MYO9B: variants seen among roughly 807,000 people sequenced by gnomAD.
MYO9B encodes myosin IXB.
MYO9B carries 71 observed loss-of-function variants against 229.5 expected under a neutral mutation model. That is an observed-to-expected ratio of 0.31 (90% confidence interval 0.26 to 0.38). The LOEUF is 0.38. Ranked by LOEUF, MYO9B falls within the 10% of genes least tolerant of loss-of-function variation. MYO9B has a pLI of 1.00. For missense variants in MYO9B, 2,255 were observed against 2,920.5 expected (o/e 0.77, Z 5.25); for synonymous variants, 1,185 against 1,235.8 (o/e 0.96, Z 0.86).
At chr19:17,159,545 T>C (rs2072575435) in intron 8 of MYO9B, 61 bp downstream of exon 8, 1 of 1,438,596 alleles carries the variant, frequency 7.0e-7, no homozygotes, top group African/African-American at 1.4e-5. Context: ...GGAATGGTCT[T>C]TGGAAAGAGC....
intron 10 of MYO9B, among the ~76,000 whole-genome samples, chr19:17,163,765 A>G (rs1411008817): frequency 6.6e-6 from 1 of 152,214 alleles, no homozygotes; most frequent in Non-Finnish European, 1.5e-5. Context: ...TTCGCATAGT[A>G]TAAAGTCCTC....
At chr19:17,200,600 T>C in intron 25 of MYO9B, 39 bp from the exon 26 acceptor site, 1 of 1,575,278 alleles carries the variant, frequency 6.3e-7, no homozygotes, top group East Asian at 2.3e-5. Flanking sequence ...ATCCTCCCCC[T>C]GAACCCACCC....
Position 17,198,278 on chromosome 19 carries a change from G to A in MYO9B, c.4208G>A (p.Gly1403Glu), listed in dbSNP as rs755584518. ...PGDASSLPDA[G>E]LSPGSQVDSK... The stretch of plus-strand genomic sequence containing the variant: ...GACGCATCCTCCCTCCCAGACGCAG[G>A]GCTGTCCCCGGGCTCTCAGGTCGAC... Residue 1403 changes from glycine (G) to glutamate (E), a missense_variant, in exon 24 of 40, where the codon GGG becomes GAG. Coordinates refer to ENST00000682292, the MANE Select transcript of MYO9B (RefSeq NM_004145.4). 1.2e-6 allele frequency: 2 copies of A among 1,613,888 alleles called. No homozygotes were observed. Among genetic ancestry groups the A allele is most frequent in the South Asian group, 2.2e-5 (2 of 91,082 alleles).
chr19:17,200,560 G>A, intron 25 of MYO9B, 79 bp from the exon 26 acceptor site: 1 of 1,518,894 alleles, frequency 6.6e-7, no homozygotes, highest in South Asian at 1.3e-5. Flanking sequence ...TCTGGCCCTG[G>A]ATAAAGGCGT....
chr19:17,102,101 G>A lies in MYO9B; in HGVS notation c.384G>A (p.Gln128=), dbSNP rs773096301. Residue 128 remains glutamine, a synonymous_variant, in exon 2 of 40, where the codon CAG becomes CAA. Transcript: ENST00000682292. ...ACGTGCATATGCAGCTGGTGGCGCA[G>A]GCCACAGCCACCCGGCGCCTAGTGG... ...IKYVHMQLVA[Q]ATATRRLVER... The A allele has an allele frequency of 1.9e-6, 3 of 1,613,088 alleles. No homozygotes were observed. In the African/African-American group the frequency reaches 4.0e-5, roughly 22 times the overall value.
Position 17,200,673 on chromosome 19 carries a change from T to C in MYO9B, c.4407T>C (p.Gly1469=), listed in dbSNP as rs994158585. 9.3e-6 allele frequency: 15 copies of C among 1,613,602 alleles called. No homozygotes were observed. Among genetic ancestry groups the C allele is most frequent in the Admixed American group, 1.7e-5 (1 of 59,982 alleles). The part of the protein sequence containing the change: ...PSGQQHRHAA[G]EKRTKEPGGK... ...GACAGCAGCATCGCCACGCTGCAGG[T>C]GAGAAGCGCACCAAGGAACCAGGAG... Residue 1469 remains glycine, a synonymous_variant, in exon 26 of 40, where the codon GGT becomes GGC. Coordinates refer to ENST00000682292, the MANE Select transcript of MYO9B (RefSeq NM_004145.4).
At chr19:17,136,032 C>T (rs2072265928) in intron 2 of MYO9B, among the ~76,000 whole-genome samples, 1 of 151,364 alleles carries the variant, frequency 6.6e-6, no homozygotes, top group East Asian at 2.0e-4. Flanking sequence ...CACCCCACCC[C>T]TGAGGACAGG....
intron 14 of MYO9B, chr19:17,180,661 A>G (rs1489191972): frequency 2.9e-5 from 10 of 340,740 alleles, no homozygotes; most frequent in Non-Finnish European, 5.3e-5. Flanking sequence ...GAAATGATGT[A>G]TTGAAAAGGA....
chr19:17,196,169 G>T (rs55744529), intron 22 of MYO9B, among the ~76,000 whole-genome samples: 56,050 of 133,600 alleles, frequency 0.42, 13,191 homozygotes, highest in East Asian at 0.75. Flanking sequence ...TGGGTGGATG[G>T]ATGGAAGATA....
chr19:17,158,831 G>A (rs892435973), intron 7 of MYO9B, among the ~76,000 whole-genome samples: 7 of 152,174 alleles, frequency 4.6e-5, no homozygotes, highest in Non-Finnish European at 8.8e-5. Flanking sequence ...ACACATACCC[G>A]GGCCACGGAG....
intron 2 of MYO9B, among the ~76,000 whole-genome samples, chr19:17,121,095 A>G (rs1168047728): frequency 6.6e-6 from 1 of 151,990 alleles, no homozygotes; most frequent in Non-Finnish European, 1.5e-5. Context: ...GGCGTGCACC[A>G]CCACACCCAG....
chr19:17,185,892 A>G, intron 17 of MYO9B, 29 bp from the exon 18 acceptor site: 1 of 1,598,412 alleles, frequency 6.3e-7, no homozygotes, highest in South Asian at 1.1e-5. Context: ...CCCTGATTCA[A>G]CCCAAATGCT....
chr19:17,175,824 CTT>C (rs534528766), intron 14 of MYO9B, 83 bp downstream of exon 14: 61,824 of 490,632 alleles, frequency 0.13, 1,293 homozygotes, highest in African/African-American at 0.23. Context: ...ATGCTACATT[CTT>C]TTTTTTTTTT....
At chr19:17,142,122 T>C (rs1451307810) in intron 2 of MYO9B, among the ~76,000 whole-genome samples, 8 of 148,784 alleles carry the variant, frequency 5.4e-5, no homozygotes, top group East Asian at 3.9e-4. Flanking sequence ...AGGCTTGCAG[T>C]GAGCTATGAT....
intron 29 of MYO9B, 119 bp downstream of exon 29, chr19:17,203,002 C>A: frequency 1.4e-6 from 2 of 1,397,998 alleles, no homozygotes; most frequent in African/African-American, 1.4e-5. Flanking sequence ...TGCGTGGACA[C>A]GTGTGAGTGT....
intron 2 of MYO9B, among the ~76,000 whole-genome samples, chr19:17,121,745 G>A (rs2145128962): frequency 6.6e-6 from 1 of 152,342 alleles, no homozygotes; most frequent in East Asian, 1.9e-4. Flanking sequence ...CAGCACTATG[G>A]GAGGCTGAGG....
At chr19:17,154,547 T>C (rs1480288827) in intron 6 of MYO9B, 132 bp downstream of exon 6, 4 of 606,502 alleles carry the variant, frequency 6.6e-6, no homozygotes, top group Admixed American at 3.2e-5. Context: ...AGTGCCGCCA[T>C]AGGGAGTGTG....
intron 1 of MYO9B, among the ~76,000 whole-genome samples, chr19:17,079,950 C>T (rs144312143): frequency 1.2e-4 from 18 of 152,294 alleles, no homozygotes; most frequent in African/African-American, 4.1e-4. Flanking sequence ...CCCAGAGCCC[C>T]GTTCCCTTTC....
intron 1 of MYO9B, among the ~76,000 whole-genome samples, chr19:17,079,657 C>T (rs1171762671): frequency 6.6e-6 from 1 of 152,142 alleles, no homozygotes; most frequent in Non-Finnish European, 1.5e-5. Flanking sequence ...GCTTGGCCCC[C>T]TCCTTGACCG....
Sources: allele counts gnomAD v4.1 joint callset (sites outside exome capture counted in the v4.1 genomes callset), GRCh38; gene constraint gnomAD v4.1.1; transcripts MANE v1.5; gene names NCBI Gene and HGNC (gene_info 2026-07-23, HGNC 2026-07-21).